ANKMY2: variants seen among roughly 807,000 people sequenced by gnomAD.
ANKMY2 encodes the protein ankyrin repeat and MYND domain-containing protein 2.
ANKMY2 carries 36 observed loss-of-function variants against 50.4 expected under a neutral mutation model. The ratio of observed to expected loss-of-function variants is 0.71; its 90% CI spans 0.55 to 0.94. The LOEUF (loss-of-function observed/expected upper bound fraction) is 0.94, where lower values mean the gene tolerates loss of function less well. ANKMY2 is among the 40% of genes least tolerant of loss of function. The pLI is 0.00. For synonymous variants in ANKMY2, 187 were observed against 178.8 expected, an observed-to-expected ratio of 1.05 and a Z score of -0.36; for missense variants, 565 against 524.0, an observed-to-expected ratio of 1.08 and a Z score of -0.76.
intron 1 of ANKMY2, among the ~76,000 whole-genome samples, chr7:16,639,310 T>G (rs932849207): frequency 6.6e-6 from 1 of 152,144 alleles, no homozygotes; most frequent in African/African-American, 2.4e-5. Flanking sequence ...ATGTTAAATC[T>G]GATTTAACAA....
chr7:16,602,463 T>C lies in ANKMY2; in HGVS notation c.1058A>G (p.His353Arg). ...CTTCAGATTCTTACAGATTTTCTTA[T>C]GAGTAAACCAGTGTGTTTTCTGGCA... ...QTCQKTHWFT[H>R]KKICKNLKDI... The change falls in exon 9 of 10, where the codon CAT becomes CGT. Residue 353 changes from histidine to arginine, a missense_variant. Transcript: ENST00000306999. The C allele has an allele frequency of 1.2e-6, 2 of 1,613,970 alleles. No individual in the cohort carries two copies. Among genetic ancestry groups the C allele is most frequent in the Non-Finnish European group, 1.7e-6 (2 of 1,179,986 alleles).
intron 5 of ANKMY2, among the ~76,000 whole-genome samples, chr7:16,611,608 T>TG (rs1781253106): frequency 1.3e-5 from 2 of 152,002 alleles, no homozygotes; most frequent in Non-Finnish European, 2.9e-5. Context: ...AGAATAGGGG[T>TG]GGGTCCTTGG....
At chr7:16,645,459 C>G (rs747744375) in intron 1 of ANKMY2, 48 bp downstream of exon 1, 1 of 1,558,978 alleles carries the variant, frequency 6.4e-7, no homozygotes, top group Non-Finnish European at 8.7e-7. Flanking sequence ...CTCCGCCACG[C>G]CCCCCGGCCA....
chr7:16,605,573 C>T lies in ANKMY2; in HGVS notation c.883-724G>A, dbSNP rs1781143013. ...GGTGCAGTGGCTCGATCTTGGCTCA[C>T]TGCAACCTCCGCCTCCCAGGTTCAA... On this transcript the variant is annotated intron_variant, in intron 7 of 9. Transcript: ENST00000306999. 4.6e-5 allele frequency among the ~76,000 whole-genome samples: 7 copies of T among 151,806 alleles called. No homozygotes were observed. The South Asian group carries it at 1.5e-3, about 31-fold the overall frequency.
chr7:16,645,600 CCT>C lies in ANKMY2; in HGVS notation c.-29_-28del. 2.5e-6 allele frequency: 4 copies of C among 1,606,670 alleles called. No homozygotes were observed. The highest frequency in any genetic ancestry group is 3.4e-6 in the Non-Finnish European group (4 of 1,176,846). ...GCTCCCGCCAGCTTGAAGGTTATTC[CCT>C]TTCTTAGGGAGTATTAAAAAAGAAA... On this transcript the variant is annotated 5_prime_UTR_variant, in exon 1 of 10. Transcript: ENST00000306999.
chr7:16,615,188 A>T (rs1025150443), intron 5 of ANKMY2, among the ~76,000 whole-genome samples: 1 of 152,216 alleles, frequency 6.6e-6, no homozygotes, highest in African/African-American at 2.4e-5. Context: ...TGTGCTCATG[A>T]TTACATTTCA....
intron 4 of ANKMY2, 62 bp downstream of exon 4, chr7:16,624,921 G>A: frequency 6.9e-7 from 1 of 1,442,678 alleles, no homozygotes; most frequent in East Asian, 2.3e-5. Context: ...AGCAAAGTGG[G>A]TTTTTTTTCC....
chr7:16,641,803 ATACT>A (rs1375841854), intron 1 of ANKMY2, among the ~76,000 whole-genome samples: 1 of 152,194 alleles, frequency 6.6e-6, no homozygotes, highest in East Asian at 1.9e-4. Flanking sequence ...CAAAAAAAGG[ATACT>A]TATTGTATGA....
chr7:16,608,493 T>C (rs1162283901), intron 7 of ANKMY2, among the ~76,000 whole-genome samples: 1 of 152,040 alleles, frequency 6.6e-6, no homozygotes, highest in East Asian at 1.9e-4. Flanking sequence ...TGGAGCCCAC[T>C]TGAAGCCCTG....
Position 16,609,653 on chromosome 7 carries a change from G to A in ANKMY2, c.859C>T (p.Arg287Ter), listed in dbSNP as rs529152924. 1.2e-5 allele frequency: 19 copies of A among 1,609,232 alleles called. No individual in the cohort carries two copies. The highest frequency in any genetic ancestry group is 1.5e-5 in the Non-Finnish European group (18 of 1,178,582). ...ACAATTTCAACAGGAGCAATGCTTC[G>A]AACCAGCTGCTGGAGGAGTGTAGCT... ...CEATLLQQLV[R>*]SIAPVEIGSD... The change falls in exon 7 of 10, where the codon CGA (arginine) becomes TGA (stop). Residue 287 changes from arginine (R) to a stop codon, truncating the protein, a stop_gained. Transcript: ENST00000306999. LOFTEE classifies it high-confidence loss of function.
chr7:16,638,263 C>T (rs900816281), intron 1 of ANKMY2, among the ~76,000 whole-genome samples: 8 of 152,142 alleles, frequency 5.3e-5, no homozygotes, highest in South Asian at 2.1e-4. Context: ...TCCACAAGAC[C>T]GTCCCCACTT....
intron 2 of ANKMY2, among the ~76,000 whole-genome samples, chr7:16,631,343 T>G (rs1781578186): frequency 6.6e-6 from 1 of 152,220 alleles, no homozygotes; most frequent in African/African-American, 2.4e-5. Context: ...TGCCTCTGTA[T>G]TTATAAAGTG....
intron 1 of ANKMY2, among the ~76,000 whole-genome samples, chr7:16,642,933 A>G (rs562005535): frequency 2.0e-5 from 3 of 152,098 alleles, no homozygotes; most frequent in Non-Finnish European, 2.9e-5. Context: ...TTTATTACCT[A>G]TGGGCCCTGT....
At chr7:16,628,014 C>T (rs1199350152) in intron 2 of ANKMY2, among the ~76,000 whole-genome samples, 3 of 152,086 alleles carry the variant, frequency 2.0e-5, no homozygotes, top group African/African-American at 4.8e-5. Context: ...GTAGTATTTA[C>T]GCTAGGCTAC....
chr7:16,636,546 T>C lies in ANKMY2; in HGVS notation c.68-91A>G. On this transcript the variant is annotated intron_variant, in intron 1 of 9. Transcript: ENST00000306999. ...CAAGGAAATAAACCTTAAGGAGTTA[T>C]CTGTAAGAGTACATCTAGTCAGTGT... 5.3e-6 allele frequency: 5 copies of C among 935,872 alleles called. No homozygotes were observed. The South Asian group carries it at 7.1e-5, about 13-fold the overall frequency. The allele number at this position is 935,872 out of a possible 1,614,324, so 58.0% of individuals were successfully genotyped here.
intron 5 of ANKMY2, among the ~76,000 whole-genome samples, chr7:16,612,585 A>G (rs1232356900): frequency 6.6e-6 from 1 of 152,210 alleles, no homozygotes; most frequent in African/African-American, 2.4e-5. Flanking sequence ...ATAATCAACT[A>G]TAGAATCTTA....
At chr7:16,627,535 A>C (rs956270279) in intron 2 of ANKMY2, among the ~76,000 whole-genome samples, 14 of 152,230 alleles carry the variant, frequency 9.2e-5, no homozygotes, top group African/African-American at 3.1e-4. Context: ...TAAAAGAAGA[A>C]AAATCTCAAA....
At chr7:16,602,264 C>T (rs1047347770) in intron 9 of ANKMY2, 116 bp downstream of exon 9, 43 of 1,208,862 alleles carry the variant, frequency 3.6e-5, no homozygotes, top group Admixed American at 7.6e-5. Flanking sequence ...ATTCTTACAT[C>T]GGTCACTCCT....
intron 1 of ANKMY2, among the ~76,000 whole-genome samples, chr7:16,637,750 C>A (rs972098016): frequency 1.3e-5 from 2 of 152,158 alleles, no homozygotes; most frequent in Non-Finnish European, 2.9e-5. Context: ...AACAAAAACC[C>A]CGCACCCCAG....
Sources: allele counts gnomAD v4.1 joint callset (sites outside exome capture counted in the v4.1 genomes callset), GRCh38; gene constraint gnomAD v4.1.1; transcripts MANE v1.5; gene names NCBI Gene and HGNC (gene_info 2026-07-23, HGNC 2026-07-21).